RIT2: variants seen among roughly 807,000 people sequenced by gnomAD.
RIT2 encodes the protein Ras like without CAAX 2, also known as GTP-binding protein Rit2.
In RIT2, 24 loss-of-function variants were observed where a neutral mutation model predicts 23.7. The ratio of observed to expected loss-of-function variants is 1.01; its 90% CI spans 0.73 to 1.43. The LOEUF (loss-of-function observed/expected upper bound fraction) is 1.43. RIT2 is among the 40% of genes most tolerant of loss of function. The pLI is 0.00. For synonymous variants in RIT2, 107 were observed against 91.1 expected (o/e 1.17, Z -0.99); for missense variants, 236 against 266.9 (o/e 0.88, Z 0.81).
At chr18:42,805,556 A>G (rs1430593300) in intron 4 of RIT2, among the ~76,000 whole-genome samples, 4 of 152,204 alleles carry the variant, frequency 2.6e-5, no homozygotes, top group Admixed American at 1.3e-4. Flanking sequence ...TTATTTTTCT[A>G]GATTGCATTT....
chr18:42,858,010 G>GTCTC (rs1907231768), intron 4 of RIT2, among the ~76,000 whole-genome samples: 1 of 152,056 alleles, frequency 6.6e-6, no homozygotes, highest in Non-Finnish European at 1.5e-5. Context: ...GCGAAACCCT[G>GTCTC]TCTCTACTAA....
At chr18:42,875,480 C>T (rs1459495248) in intron 4 of RIT2, among the ~76,000 whole-genome samples, 1 of 151,892 alleles carries the variant, frequency 6.6e-6, no homozygotes, top group Non-Finnish European at 1.5e-5. Context: ...TTTATTTCTC[C>T]ATGACTAGCA....
intron 4 of RIT2, among the ~76,000 whole-genome samples, chr18:42,871,374 T>TTG (rs945702649): frequency 1.3e-5 from 2 of 151,924 alleles, no homozygotes; most frequent in Non-Finnish European, 2.9e-5. Flanking sequence ...AAGTGTGTGT[T>TTG]TGTGTGTGTG....
At chr18:43,022,087 A>G (rs1598750781) in intron 2 of RIT2, among the ~76,000 whole-genome samples, 1 of 152,176 alleles carries the variant, frequency 6.6e-6, no homozygotes, top group Non-Finnish European at 1.5e-5. Flanking sequence ...TGAATAAAGA[A>G]AACGTGATAC....
intron 4 of RIT2, among the ~76,000 whole-genome samples, chr18:42,906,800 T>C (rs1328408462): frequency 1.3e-5 from 2 of 152,170 alleles, no homozygotes; most frequent in South Asian, 2.1e-4. Flanking sequence ...GTTTCCCTCA[T>C]TAAGAGAACC....
At chr18:42,936,056 G>C (rs989740200) in intron 3 of RIT2, among the ~76,000 whole-genome samples, 2 of 151,256 alleles carry the variant, frequency 1.3e-5, no homozygotes, top group Non-Finnish European at 2.9e-5. Context: ...TTTGTTACTG[G>C]GGCTTAGAGA....
intron 1 of RIT2, among the ~76,000 whole-genome samples, chr18:43,049,345 A>G (rs1912323255): frequency 6.6e-6 from 1 of 152,150 alleles, no homozygotes; most frequent in African/African-American, 2.4e-5. Flanking sequence ...TAATTCAGAG[A>G]AGTCACAATG....
intron 4 of RIT2, among the ~76,000 whole-genome samples, chr18:42,797,269 T>A (rs1381309863): frequency 6.6e-6 from 1 of 152,062 alleles, no homozygotes; most frequent in African/African-American, 2.4e-5. Context: ...AATCAGAAAG[T>A]CCATGGTTGT....
At chr18:42,977,819 C>T (rs1910508642) in intron 2 of RIT2, among the ~76,000 whole-genome samples, 1 of 148,260 alleles carries the variant, frequency 6.7e-6, no homozygotes, top group African/African-American at 2.5e-5. Flanking sequence ...TTGCAGGGTG[C>T]TCCATCTAGT....
intron 3 of RIT2, among the ~76,000 whole-genome samples, chr18:42,957,703 G>A (rs753418446): frequency 1.3e-5 from 2 of 152,110 alleles, no homozygotes; most frequent in Non-Finnish European, 2.9e-5. Context: ...AGAATCGCTT[G>A]AACCCAGGAG....
intron 1 of RIT2, among the ~76,000 whole-genome samples, chr18:43,042,815 ATAG>A (rs1431999309): frequency 6.6e-6 from 1 of 152,216 alleles, no homozygotes; most frequent in Admixed American, 6.5e-5. Context: ...TTACACAGTA[ATAG>A]TATGTTTAAT....
chr18:43,002,711 C>T (rs982166247), intron 2 of RIT2, among the ~76,000 whole-genome samples: 1 of 152,024 alleles, frequency 6.6e-6, no homozygotes. Flanking sequence ...TCTACTATAA[C>T]ACCTGTTGTC....
intron 3 of RIT2, among the ~76,000 whole-genome samples, chr18:42,940,325 T>C (rs1041700028): frequency 6.8e-5 from 10 of 146,020 alleles, no homozygotes; most frequent in Non-Finnish European, 1.3e-4. Flanking sequence ...ATATAAATTA[T>C]ATACACAATA....
intron 4 of RIT2, among the ~76,000 whole-genome samples, chr18:42,749,452 A>G (rs1598639038): frequency 6.6e-6 from 1 of 151,930 alleles, no homozygotes; most frequent in Non-Finnish European, 1.5e-5. Context: ...AGAAAGCAAA[A>G]ACAAGGAAAT....
At chr18:42,806,455 G>C (rs1301126907) in intron 4 of RIT2, among the ~76,000 whole-genome samples, 1 of 152,024 alleles carries the variant, frequency 6.6e-6, no homozygotes, top group Non-Finnish European at 1.5e-5. Flanking sequence ...GGCAACAAGA[G>C]TGAGACTCGG....
At chr18:42,755,283 G>A (rs1008377546) in intron 4 of RIT2, among the ~76,000 whole-genome samples, 2 of 151,966 alleles carry the variant, frequency 1.3e-5, no homozygotes, top group African/African-American at 2.4e-5. Flanking sequence ...CCCCAAGCCC[G>A]ATTCATACCA....
chr18:42,936,509 T>A (rs1909462550), intron 3 of RIT2, among the ~76,000 whole-genome samples: 1 of 152,170 alleles, frequency 6.6e-6, no homozygotes, highest in Admixed American at 6.5e-5. Flanking sequence ...TTCTGAGTAA[T>A]GTTGGACTGC....
intron 4 of RIT2, among the ~76,000 whole-genome samples, chr18:42,829,214 A>C (rs796133748): frequency 8.5e-5 from 13 of 152,300 alleles, no homozygotes; most frequent in African/African-American, 3.1e-4. Context: ...TTCATCCAAA[A>C]TCTGATTCTG....
intron 2 of RIT2, among the ~76,000 whole-genome samples, chr18:43,014,380 G>T (rs1911421917): frequency 6.6e-6 from 1 of 151,620 alleles, no homozygotes. Context: ...AACTTGACAG[G>T]GCAGCCCAAG....
Sources: gnomAD v4.1 joint callset for allele counts (sites outside exome capture counted in the v4.1 genomes callset) on GRCh38, gnomAD v4.1.1 for gene constraint, MANE v1.5 for transcripts, NCBI Gene and HGNC (gene_info 2026-07-23, HGNC 2026-07-21) for gene names.